Variants in RYR2 observed in about 807,000 individuals in gnomAD.
The protein encoded by RYR2 is ryanodine receptor 2.
In RYR2, 227 loss-of-function variants were observed where a neutral mutation model predicts 601.1. The observed-to-expected ratio is 0.38, with a 90% CI of 0.34 to 0.42. RYR2 has a LOEUF of 0.42. Ranked by LOEUF, RYR2 falls within the 10% of genes least tolerant of loss-of-function variation. The pLI is 1.00. For missense variants in RYR2, 4,646 were observed against 6,156.5 expected, an observed-to-expected ratio of 0.75 and a Z score of 8.21; for synonymous variants, 2,223 against 2,175.1, an observed-to-expected ratio of 1.02 and a Z score of -0.61.
intron 6 of RYR2, among the ~76,000 whole-genome samples, chr1:237,373,873 G>A (rs773622305): frequency 1.2e-4 from 19 of 152,154 alleles, no homozygotes; most frequent in Non-Finnish European, 2.2e-4. Context: ...AAAACTAGAA[G>A]ATAAAAGAGA....
intron 2 of RYR2, among the ~76,000 whole-genome samples, chr1:237,283,622 A>G (rs1158605465): frequency 6.6e-6 from 1 of 152,134 alleles, no homozygotes; most frequent in Non-Finnish European, 1.5e-5. Flanking sequence ...GACTTTTTAT[A>G]TCCTACTGTA....
intron 80 of RYR2, 124 bp from the exon 81 acceptor site, chr1:237,756,164 T>C: frequency 3.3e-6 from 2 of 603,264 alleles, no homozygotes. Flanking sequence ...ACATCGTTGG[T>C]GTTGAAATGG....
chr1:237,138,420 T>C (rs1383942060), intron 1 of RYR2, among the ~76,000 whole-genome samples: 1 of 152,214 alleles, frequency 6.6e-6, no homozygotes, highest in African/African-American at 2.4e-5. Context: ...GAAAGAACCA[T>C]GGCCTAGGAG....
chr1:237,363,595 A>G (rs1699963032), intron 4 of RYR2, among the ~76,000 whole-genome samples: 1 of 152,094 alleles, frequency 6.6e-6, no homozygotes, highest in Non-Finnish European at 1.5e-5. Context: ...GAAATATATC[A>G]TTGTTTTCTT....
chr1:237,516,812 C>G (rs1489293056), intron 24 of RYR2, among the ~76,000 whole-genome samples: 2 of 152,138 alleles, frequency 1.3e-5, no homozygotes, highest in African/African-American at 2.4e-5. Flanking sequence ...TCAGGTCCCC[C>G]CAAGTATACG....
intron 25 of RYR2, among the ~76,000 whole-genome samples, chr1:237,546,520 G>A (rs1669819353): frequency 6.6e-6 from 1 of 152,024 alleles, no homozygotes. Context: ...TGTGATTACA[G>A]TTGGGTGCCA....
intron 7 of RYR2, 115 bp downstream of exon 7, chr1:237,374,910 A>C: frequency 2.6e-6 from 2 of 779,906 alleles, no homozygotes; most frequent in Non-Finnish European, 4.1e-6. Flanking sequence ...TGGAGTCAGG[A>C]AAGAATGTTC....
At chr1:237,517,101 C>G (rs145695753) in intron 24 of RYR2, among the ~76,000 whole-genome samples, 112 of 152,294 alleles carry the variant, frequency 7.4e-4, no homozygotes, top group African/African-American at 2.4e-3. Context: ...ATGCCTTGCA[C>G]CACTCTTTGC....
intron 1 of RYR2, among the ~76,000 whole-genome samples, chr1:237,121,617 G>A (rs2148651101): frequency 6.6e-6 from 1 of 152,306 alleles, no homozygotes; most frequent in East Asian, 1.9e-4. Flanking sequence ...TGTAGAGAAA[G>A]AGGGAGATGT....
At chr1:237,503,098 T>G (rs1398333979) in intron 21 of RYR2, among the ~76,000 whole-genome samples, 191 bp from the exon 22 acceptor site, 1 of 152,174 alleles carries the variant, frequency 6.6e-6, no homozygotes, top group Non-Finnish European at 1.5e-5. Context: ...GAATATGATG[T>G]CCTCATGTTT....
intron 6 of RYR2, among the ~76,000 whole-genome samples, chr1:237,371,781 G>A (rs1208575205): frequency 6.6e-6 from 1 of 152,098 alleles, no homozygotes; most frequent in East Asian, 1.9e-4. Context: ...ATCATTCTCA[G>A]CAAACTATCG....
intron 16 of RYR2, among the ~76,000 whole-genome samples, chr1:237,463,842 T>G (rs1044698116): frequency 2.0e-4 from 31 of 152,196 alleles, no homozygotes; most frequent in Admixed American, 6.5e-5. Context: ...CATCTCATAA[T>G]GAAAGCCACT....
At chr1:237,522,119 G>A (rs902241673) in intron 24 of RYR2, among the ~76,000 whole-genome samples, 3 of 151,286 alleles carry the variant, frequency 2.0e-5, no homozygotes, top group Admixed American at 2.0e-4. Context: ...ATCCCTCCCC[G>A]CTCCCCCTAC....
At chr1:237,638,861 T>G (rs929020130) in intron 45 of RYR2, among the ~76,000 whole-genome samples, 154 bp from the exon 46 acceptor site, 3 of 152,232 alleles carry the variant, frequency 2.0e-5, no homozygotes, top group Non-Finnish European at 4.4e-5. Context: ...TCTCATATAC[T>G]TAATGCTAGC....
chr1:237,355,197 T>TA (rs1281623430), intron 3 of RYR2, among the ~76,000 whole-genome samples: 18 of 152,136 alleles, frequency 1.2e-4, no homozygotes, highest in Non-Finnish European at 2.4e-4. Context: ...ATACATTCTA[T>TA]AGATGGGAGG....
chr1:237,277,150 G>A (rs1048477880), intron 2 of RYR2, among the ~76,000 whole-genome samples: 64 of 152,246 alleles, frequency 4.2e-4, no homozygotes, highest in African/African-American at 1.5e-3. Flanking sequence ...TATTAGGAAA[G>A]ATAAGGAGAA....
At chr1:237,745,345 T>G (rs1431196036) in intron 80 of RYR2, among the ~76,000 whole-genome samples, 1 of 152,182 alleles carries the variant, frequency 6.6e-6, no homozygotes, top group Non-Finnish European at 1.5e-5. Flanking sequence ...ACGAATTATT[T>G]CATATAAAAT....
intron 87 of RYR2, among the ~76,000 whole-genome samples, chr1:237,777,597 T>C (rs1180079641): frequency 1.3e-5 from 2 of 152,206 alleles, no homozygotes; most frequent in East Asian, 3.8e-4. Flanking sequence ...TTTACAAAAC[T>C]GAATGATGGT....
intron 80 of RYR2, 24 bp downstream of exon 80, chr1:237,742,373 G>A: frequency 6.6e-7 from 1 of 1,508,954 alleles, no homozygotes; most frequent in Non-Finnish European, 9.1e-7. Context: ...TTCTGGATTT[G>A]CCTTTCTTTC....
Sources: gnomAD v4.1 joint callset for allele counts (sites outside exome capture counted in the v4.1 genomes callset) on GRCh38, gnomAD v4.1.1 for gene constraint, MANE v1.5 for transcripts, NCBI Gene and HGNC (gene_info 2026-07-23, HGNC 2026-07-21) for gene names.